The following AGAP1 variants were observed in gnomAD, a reference collection of about 807,000 sequenced individuals.
The protein encoded by AGAP1 is ArfGAP with GTPase domain, ankyrin repeat and PH domain 1.
Under a neutral mutation model 105.3 loss-of-function variants are expected in AGAP1, and 29 were observed. That is an observed-to-expected ratio of 0.28 (90% CI 0.21 to 0.38). The LOEUF is 0.38. Among genes scored for constraint, AGAP1 ranks in the 10% least tolerant of loss-of-function variants. AGAP1 has a pLI of 1.00. For synonymous variants in AGAP1, 509 were observed against 485.9 expected (o/e 1.05, Z -0.63); for missense variants, 998 against 1,165.1 (o/e 0.86, Z 2.09).
At chr2:235,924,322 C>T (rs963339293) in intron 11 of AGAP1, among the ~76,000 whole-genome samples, 3 of 152,118 alleles carry the variant, frequency 2.0e-5, no homozygotes, top group African/African-American at 7.2e-5. Flanking sequence ...CCCTGACCCT[C>T]ATACTTTCTG....
chr2:235,563,172 G>T (rs954957768), intron 1 of AGAP1, among the ~76,000 whole-genome samples: 6 of 152,176 alleles, frequency 3.9e-5, no homozygotes, highest in Non-Finnish European at 8.8e-5. Context: ...TGGGAGGTGT[G>T]CAGCCCCAGC....
At position 235,882,690 on chromosome 2, in the gene AGAP1, G is replaced by T. The variant is rs2050089182; in HGVS notation, c.1051-655G>T. 6.6e-6 allele frequency among the ~76,000 whole-genome samples: 1 copy of T among 152,156 alleles called. No homozygotes were observed. The highest frequency in any genetic ancestry group is 2.1e-4 in the South Asian group (1 of 4,818). The stretch of plus-strand genomic sequence containing the variant: ...ATATTGGCCATGGTTGGCCAGGCTG[G>T]CCTCAAACTCCTGACCTCAGGTGAT... On this transcript the variant is annotated intron_variant, in intron 9 of 17. Transcript: ENST00000304032. The surrounding 1 kb of genome is among the most constrained non-coding windows in gnomAD (Gnocchi z 4.6).
At chr2:235,768,916 C>G (rs1955198382) in intron 6 of AGAP1, among the ~76,000 whole-genome samples, 1 of 152,176 alleles carries the variant, frequency 6.6e-6, no homozygotes, top group Admixed American at 6.5e-5. Flanking sequence ...GAAGAAACAC[C>G]TGCTGCCGAA....
At chr2:235,948,809 AC>A (rs1480213563) in intron 12 of AGAP1, among the ~76,000 whole-genome samples, 1 of 152,158 alleles carries the variant, frequency 6.6e-6, no homozygotes, top group Admixed American at 6.5e-5. Context: ...CACTTGCCAC[AC>A]AGTCAAGAAA....
At chr2:235,653,182 C>G (rs1171308981) in intron 1 of AGAP1, among the ~76,000 whole-genome samples, 46 of 152,036 alleles carry the variant, frequency 3.0e-4, no homozygotes. Context: ...AGGGCACATT[C>G]CGGCCGGGCG....
In AGAP1 at chr2:235,550,446, C is replaced by A. The variant is rs2149113711; in HGVS notation, c.163+55597C>A. ...ACGGGCTGTCAGGTCCTGGTCCCAG[C>A]TCTGCCTTCCTCTCCTCAAATGCCA... On this transcript the variant is annotated intron_variant, in intron 1 of 17. Transcript: ENST00000304032. The surrounding 1 kb of genome is among the most constrained non-coding windows in gnomAD (Gnocchi z 4.6). Among the ~76,000 whole-genome samples, 1 of 152,340 alleles carries A rather than the reference C, an allele frequency of 6.6e-6. No homozygotes were observed. The highest frequency in any genetic ancestry group is 6.5e-5 in the Admixed American group (1 of 15,302).
At chr2:236,122,732 G>GA (rs1371221828) in intron 17 of AGAP1, among the ~76,000 whole-genome samples, 15 of 147,120 alleles carry the variant, frequency 1.0e-4, no homozygotes, top group Non-Finnish European at 2.2e-4. Flanking sequence ...TCCCGGGCTG[G>GA]AGTGCAGTGG....
rs1245557191 is a variant in AGAP1, at chr2:235,582,236, T to G, written c.163+87387T>G. ...ACCCATTCTTGCCCCAGCTTGAGCCTGACCTTTGGCAGGTCCAGGAGTGTG... is the reference window on the plus strand; with the variant it reads ...ACCCATTCTTGCCCCAGCTTGAGCCGGACCTTTGGCAGGTCCAGGAGTGTG... On this transcript the variant is annotated intron_variant, in intron 1 of 17. Transcript: ENST00000304032. The surrounding 1 kb of genome is among the most constrained non-coding windows in gnomAD (Gnocchi z 4.7). Among the ~76,000 whole-genome samples the G allele has an allele frequency of 6.6e-6, 1 of 152,152 alleles. No individual in the cohort carries two copies. The highest frequency in any genetic ancestry group is 1.5e-5 in the Non-Finnish European group (1 of 68,014).
rs1031479000 is a variant in AGAP1, at chr2:235,908,486, C to T, written c.1156-252C>T. On this transcript the variant is annotated intron_variant, in intron 10 of 17. Transcript: ENST00000304032. The surrounding 1 kb of genome is among the most constrained non-coding windows in gnomAD (Gnocchi z 4.4). The stretch of plus-strand genomic sequence containing the variant: ...ACTTCCTAATGACCCTTGAAGGAGG[C>T]ACCTGCTGTGTCTCTCCTTACATCT... 2.0e-5 allele frequency among the ~76,000 whole-genome samples: 3 copies of T among 152,084 alleles called. No individual in the cohort carries two copies. Among genetic ancestry groups the T allele is most frequent in the Admixed American group, 2.0e-4 (3 of 15,274 alleles).
At chr2:235,704,962 CTTTTTTCT>C (rs1197798081) in intron 1 of AGAP1, among the ~76,000 whole-genome samples, 3,778 of 86,030 alleles carry the variant, frequency 0.044, 641 homozygotes, top group African/African-American at 0.15. Flanking sequence ...ATACAAGATG[CTTTTTTCT>C]TTTTTTTTTT....
intron 16 of AGAP1, among the ~76,000 whole-genome samples, chr2:236,065,110 A>G (rs2058311071): frequency 1.3e-5 from 2 of 152,238 alleles, no homozygotes; most frequent in African/African-American, 4.8e-5. Flanking sequence ...ACAGCAGCTT[A>G]TCGGAGGCCG....
chr2:235,608,070 C>T lies in AGAP1; in HGVS notation c.164-101109C>T, dbSNP rs1178411104. ...ACTTCATAGTCTGCCTGTCTCAGAG[C>T]GTGGGCGGGTTGGCATCGTCTGCAC... On this transcript the variant is annotated intron_variant, in intron 1 of 17. Transcript: ENST00000304032. This position sits in a 1 kb window ranked among gnomAD's most constrained non-coding sequence, Gnocchi z 5.4. 6.6e-6 allele frequency among the ~76,000 whole-genome samples: 1 copy of T among 152,162 alleles called. No individual in the cohort carries two copies. Among genetic ancestry groups the T allele is most frequent in the African/African-American group, 2.4e-5 (1 of 41,436 alleles).
At chr2:235,709,590 C>A (rs867375523) in intron 2 of AGAP1, among the ~76,000 whole-genome samples, 3 of 151,480 alleles carry the variant, frequency 2.0e-5, no homozygotes, top group Non-Finnish European at 2.9e-5. Context: ...ACGGAAGGCT[C>A]CACACACACA....
In AGAP1 at chr2:235,927,759, A is replaced by T. The variant is rs1305146099; in HGVS notation, c.1325-3006A>T. Among the ~76,000 whole-genome samples the T allele has an allele frequency of 6.6e-6, 1 of 152,216 alleles. No individual in the cohort carries two copies. The highest frequency in any genetic ancestry group is 2.4e-5 in the African/African-American group (1 of 41,456). On this transcript the variant is annotated intron_variant, in intron 11 of 17. Transcript: ENST00000304032. This position sits in a 1 kb window ranked among gnomAD's most constrained non-coding sequence, Gnocchi z 4.4. ...TGGAAGGTTTCTAGGCCTGGTTGTC[A>T]TCGGAGAACCACTCTCCAGGGAGAA...
intron 8 of AGAP1, among the ~76,000 whole-genome samples, chr2:235,804,266 A>T (rs761040888): frequency 6.6e-6 from 1 of 152,168 alleles, no homozygotes; most frequent in Non-Finnish European, 1.5e-5. Context: ...GTCCATTTTC[A>T]AGCTTTATAA....
intron 12 of AGAP1, among the ~76,000 whole-genome samples, chr2:235,945,943 A>G (rs1026463304): frequency 6.6e-6 from 1 of 151,962 alleles, no homozygotes; most frequent in Non-Finnish European, 1.5e-5. Context: ...TTAAGTGACC[A>G]GATCTCATGA....
rs1945696538 is a variant in AGAP1, at chr2:235,600,569, GGCTGGCT to G, written c.163+105723_163+105729del. ...CACAGGATCACAAGGTCCCACAATA[GGCTGGCT>G]GCAAGCTGAGGAGCAAGGAAGCCAG... On this transcript the variant is annotated intron_variant, in intron 1 of 17. Coordinates refer to ENST00000304032, the MANE Select transcript of AGAP1 (RefSeq NM_001037131.3). This position sits in a 1 kb window ranked among gnomAD's most constrained non-coding sequence, Gnocchi z 4.8. 6.6e-6 allele frequency among the ~76,000 whole-genome samples: 1 copy of G among 152,182 alleles called. No homozygotes were observed.
At chr2:236,118,391 T>C (rs995818841) in intron 16 of AGAP1, among the ~76,000 whole-genome samples, 3 of 148,190 alleles carry the variant, frequency 2.0e-5, no homozygotes, top group Non-Finnish European at 3.0e-5. Flanking sequence ...CTTTTTCTTT[T>C]TTTTTTTTTT....
At position 235,700,801 on chromosome 2, in the gene AGAP1, GTC is replaced by G. The variant is rs140580993; in HGVS notation, c.164-8360_164-8359del. Among the ~76,000 whole-genome samples the G allele has an allele frequency of 2.5e-3, 370 of 147,154 alleles. 2 individuals carry two copies. The highest frequency in any genetic ancestry group is 6.7e-3 in the African/African-American group (271 of 40,490). ...GGCGACAAAGCGAGAATCTGTCTCT[GTC>G]TCTCTCTCTCTCTCTCTGTGTATAT... On this transcript the variant is annotated intron_variant, in intron 1 of 17. Transcript: ENST00000304032. The surrounding 1 kb of genome is among the most constrained non-coding windows in gnomAD (Gnocchi z 6.1).
Sources: allele counts gnomAD v4.1 joint callset (sites outside exome capture counted in the v4.1 genomes callset), GRCh38; gene constraint gnomAD v4.1.1; non-coding constraint Gnocchi (gnomAD v3.1); transcripts MANE v1.5; gene names NCBI Gene and HGNC (gene_info 2026-07-23, HGNC 2026-07-21).